MED25: variants seen among roughly 807,000 people sequenced by gnomAD.
MED25 encodes the protein mediator complex subunit 25, also known as mediator of RNA polymerase II transcription subunit 25.
Under a neutral mutation model 89.4 loss-of-function variants are expected in MED25, and 62 were observed. That is an observed-to-expected ratio of 0.69 (90% CI 0.57 to 0.86). The LOEUF is 0.86. MED25 is among the 40% of genes least tolerant of loss of function. The pLI is 0.00. For synonymous variants in MED25, 449 were observed against 427.9 expected (o/e 1.05, Z -0.61); for missense variants, 905 against 1,005.2 (o/e 0.90, Z 1.35).
chr19:49,838,895 G>A, downstream of MED25: 1 of 389,868 alleles, frequency 2.6e-6, no homozygotes, highest in East Asian at 7.2e-5. Context: ...CACGTGAGAA[G>A]AATGACCTGG....
chr19:49,838,713 C>T (rs554929699), downstream of MED25: 8 of 456,638 alleles, frequency 1.8e-5, no homozygotes, highest in Non-Finnish European at 3.1e-5. Context: ...TGAAAGAATA[C>T]AACCTGAAAC....
At position 49,818,585 on chromosome 19, in the gene MED25, G is replaced by A; in HGVS notation, c.149G>A (p.Gly50Asp). ...TACCCTCACAGGTATTTTAATGGTG[G>A]TCCTCCTGCTGAGACGGACTTCGGG... Reference protein sequence around the residue: ...LLPAIEYFNGGPPAETDFGGD... With the variant: ...LLPAIEYFNGDPPAETDFGGD... Residue 50 changes from glycine (G) to aspartate (D), a missense_variant, in exon 2 of 18, where the codon GGT becomes GAT. By Grantham distance (94) the Gly-to-Asp change is moderately conservative (BLOSUM62 -1). Transcript: ENST00000312865. The A allele has an allele frequency of 1.2e-6, 2 of 1,614,164 alleles. No homozygotes were observed. The highest frequency in any genetic ancestry group is 1.1e-5 in the South Asian group (1 of 91,090).
At chr19:49,821,312 C>T (rs550280117) in intron 3 of MED25, among the ~76,000 whole-genome samples, 123 of 152,286 alleles carry the variant, frequency 8.1e-4, no homozygotes, top group African/African-American at 2.9e-3. Context: ...GGAAGGGTCT[C>T]ACTCTGTCAC....
chr19:49,822,058 T>C (rs1235037187), intron 3 of MED25, among the ~76,000 whole-genome samples: 1 of 151,106 alleles, frequency 6.6e-6, no homozygotes, highest in Non-Finnish European at 1.5e-5. Context: ...GGTCAGGAGA[T>C]GGAGACCATC....
At position 49,818,457 on chromosome 19, in the gene MED25, A is replaced by G. The variant is rs794729668; in HGVS notation, c.116A>G (p.Tyr39Cys). 6.2e-7 allele frequency: 1 copy of G among 1,614,090 alleles called. No individual in the cohort carries two copies. Among genetic ancestry groups the G allele is most frequent in the Non-Finnish European group, 8.5e-7 (1 of 1,179,998 alleles). ...TACTTCGAGGGGCTCCGCAAGCACTACCTGCTCCCGGCCATCGAGTGAGTG... is the reference window on the plus strand; with the variant it reads ...TACTTCGAGGGGCTCCGCAAGCACTGCCTGCTCCCGGCCATCGAGTGAGTG... Reference protein sequence around the residue: ...GPYFEGLRKHYLLPAIEYFNG... With the variant: ...GPYFEGLRKHCLLPAIEYFNG... Residue 39 changes from tyrosine (Y) to cysteine (C), a missense_variant, in exon 1 of 18, where the codon TAC (tyrosine) becomes TGC (cysteine). Tyr to Cys is a radical substitution (Grantham distance 194). This residue lies in a region of MED25 where 501 missense variants were observed against 526.9 expected (regional missense o/e 0.95). Transcript: ENST00000312865.
chr19:49,831,275 C>T lies in MED25; in HGVS notation c.1102-58C>T. On this transcript the variant is annotated intron_variant, in intron 9 of 17. Coordinates refer to ENST00000312865, the MANE Select transcript of MED25 (RefSeq NM_030973.4). The surrounding 1 kb of genome is among the most constrained non-coding windows in gnomAD (Gnocchi z 5.0). The stretch of plus-strand genomic sequence containing the variant: ...TTCCTGGTTTGCCCTCACAGGATGG[C>T]CCCCGGAGGCTCCCGGCCTTCCCCA... 1.3e-6 allele frequency: 2 copies of T among 1,570,470 alleles called. No homozygotes were observed. Among genetic ancestry groups the T allele is most frequent in the Non-Finnish European group, 8.6e-7 (1 of 1,158,410 alleles).
At position 49,826,857 on chromosome 19, in the gene MED25, C is replaced by A. The variant is rs138490773; in HGVS notation, c.306-1592C>A. 1.2e-4 allele frequency among the ~76,000 whole-genome samples: 18 copies of A among 152,132 alleles called. 2 individuals carry two copies. The highest frequency in any genetic ancestry group is 9.8e-4 in the Admixed American group (15 of 15,276). ...TGTCAGTTGAGAGGACCTATAGGTG[C>A]GGGCATGGAGCAGGAGAGATGGACG... On this transcript the variant is annotated intron_variant, in intron 3 of 17. Coordinates refer to ENST00000312865, the MANE Select transcript of MED25 (RefSeq NM_030973.4).
chr19:49,827,416 C>G (rs568112192), intron 3 of MED25, among the ~76,000 whole-genome samples: 19 of 152,200 alleles, frequency 1.2e-4, no homozygotes, highest in Middle Eastern at 3.4e-3. Context: ...GTCCAAAATC[C>G]AGGTGGTAGG....
chr19:49,820,071 T>C (rs148802382), intron 3 of MED25: 3,837 of 152,174 alleles, frequency 0.025, 77 homozygotes, highest in Non-Finnish European at 0.042. Flanking sequence ...CCTGACCTCA[T>C]GTGATCTGCC....
In MED25 at chr19:49,830,416, C is replaced by G. The variant is rs1376098486; in HGVS notation, c.820-95C>G. On this transcript the variant is annotated intron_variant, in intron 7 of 17. Transcript: ENST00000312865. This position sits in a 1 kb window ranked among gnomAD's most constrained non-coding sequence, Gnocchi z 4.6. ...TGAGCTAAGCTATCCCAGCTGGTGC[C>G]TCATGGGGCCATGGGTGGTGTGACC... 1.2e-5 allele frequency: 16 copies of G among 1,338,822 alleles called. No homozygotes were observed. The East Asian group carries it at 3.7e-4, about 31-fold the overall frequency. 82.9% of individuals were successfully genotyped at this position (1,338,822 alleles called of 1,614,324 possible).
At chr19:49,825,665 C>T (rs544827576) in intron 3 of MED25, among the ~76,000 whole-genome samples, 1 of 151,834 alleles carries the variant, frequency 6.6e-6, no homozygotes, top group South Asian at 2.1e-4. Flanking sequence ...AACCCTGTCT[C>T]TACTAAAAAT....
chr19:49,819,825 A>AT (rs11288478), intron 3 of MED25: 629 of 162,200 alleles, frequency 3.9e-3, no homozygotes, highest in South Asian at 0.012. Context: ...TTGGGTCAGA[A>AT]TTTTTTTTTT....
chr19:49,831,291 G>A lies in MED25; in HGVS notation c.1102-42G>A, dbSNP rs1246527448. The A allele has an allele frequency of 1.9e-6, 3 of 1,597,614 alleles. No homozygotes were observed. The African/African-American group carries it at 4.0e-5, about 21-fold the overall frequency. ...ACAGGATGGCCCCCGGAGGCTCCCG[G>A]CCTTCCCCATTCTCATGGCCCTCCT... is the stretch of plus-strand genomic sequence containing the variant. On this transcript the variant is annotated intron_variant, in intron 9 of 17. Coordinates refer to ENST00000312865, the MANE Select transcript of MED25 (RefSeq NM_030973.4). The surrounding 1 kb of genome is among the most constrained non-coding windows in gnomAD (Gnocchi z 5.0).
In MED25 at chr19:49,828,964, T is replaced by C. The variant is rs1053967709; in HGVS notation, c.405-6T>C. On this transcript the variant is annotated splice_polypyrimidine_tract_variant and splice_region_variant and intron_variant, in intron 4 of 17. Coordinates refer to ENST00000312865, the MANE Select transcript of MED25 (RefSeq NM_030973.4). ...CTGGCTCCATGTCTTCTCTCTTTCC[T>C]GGTAGTGGCCAGACGCACCGGGTCT... 3 of 1,613,918 alleles carry C rather than the reference T, an allele frequency of 1.9e-6. No homozygotes were observed. In the African/African-American group the frequency reaches 4.0e-5, roughly 22 times the overall value.
At chr19:49,832,862 C>A (rs541697122) in intron 13 of MED25, 1 of 270,632 alleles carries the variant, frequency 3.7e-6, no homozygotes, top group Non-Finnish European at 7.2e-6. Flanking sequence ...TTGCCTCTTC[C>A]GGCCGGTAAC....
In MED25 at chr19:49,831,160, C is replaced by G. The variant is rs992623932; in HGVS notation, c.1102-173C>G. Among the ~76,000 whole-genome samples, 2 of 152,152 alleles carry G rather than the reference C, an allele frequency of 1.3e-5. No individual in the cohort carries two copies. Among genetic ancestry groups the G allele is most frequent in the African/African-American group, 4.8e-5 (2 of 41,436 alleles). On this transcript the variant is annotated intron_variant, in intron 9 of 17. Coordinates refer to ENST00000312865, the MANE Select transcript of MED25 (RefSeq NM_030973.4). This position sits in a 1 kb window ranked among gnomAD's most constrained non-coding sequence, Gnocchi z 5.0. ...GGGCATCGCACAGCTTACGAGTCCTCGAATCCTGCAAGGTCCAAGCATTTG... is the reference window on the plus strand; with the variant it reads ...GGGCATCGCACAGCTTACGAGTCCTGGAATCCTGCAAGGTCCAAGCATTTG...
chr19:49,838,551 C>G (rs1397106273), downstream of MED25: 1 of 456,962 alleles, frequency 2.2e-6, no homozygotes, highest in African/African-American at 2.0e-5. Context: ...AAAGTGAAAT[C>G]TTTCTTGTAC....
At position 49,830,985 on chromosome 19, in the gene MED25, C is replaced by A; in HGVS notation, c.1101+98C>A. ...TCATTTGCCTTCCAGGGGGATGTGG[C>A]TCTCGTGGTTCTGGGGCTTTGGGGG... On this transcript the variant is annotated intron_variant, in intron 9 of 17. Coordinates refer to ENST00000312865, the MANE Select transcript of MED25 (RefSeq NM_030973.4). The surrounding 1 kb of genome is among the most constrained non-coding windows in gnomAD (Gnocchi z 4.6). 7.4e-7 allele frequency: 1 copy of A among 1,351,370 alleles called. No individual in the cohort carries two copies. Among genetic ancestry groups the A allele is most frequent in the Non-Finnish European group, 1.0e-6 (1 of 956,346 alleles). 83.7% of individuals were successfully genotyped at this position (1,351,370 alleles called of 1,614,324 possible). A position where few individuals can be genotyped will look rare whatever the true frequency, so the allele number is the denominator to read the frequency against.
chr19:49,828,656 C>G, intron 4 of MED25, 109 bp downstream of exon 4: 1 of 1,021,360 alleles, frequency 9.8e-7, no homozygotes, highest in South Asian at 1.3e-5. Context: ...GGCATGGGCT[C>G]TGTGTCCCCA....
Sources: gnomAD v4.1 joint callset for allele counts (sites outside exome capture counted in the v4.1 genomes callset) on GRCh38, gnomAD v4.1.1 for gene constraint, gnomAD v4.1.1 regional missense constraint, Gnocchi (gnomAD v3.1) non-coding constraint, MANE v1.5 for transcripts, NCBI Gene and HGNC (gene_info 2026-07-23, HGNC 2026-07-21) for gene names.